Variants in TRPM3 observed in about 807,000 individuals in gnomAD.
TRPM3 encodes the protein transient receptor potential cation channel subfamily M member 3.
Under a neutral mutation model 181.2 loss-of-function variants are expected in TRPM3, and 77 were observed. That is an observed-to-expected ratio of 0.42 (90% confidence interval 0.35 to 0.51). The LOEUF (loss-of-function observed/expected upper bound fraction) is 0.51. Among genes scored for constraint, TRPM3 ranks in the 20% least tolerant of loss-of-function variants. The probability of loss-of-function intolerance (pLI) is 0.01; values close to 1 mark genes in which losing one functional copy is unlikely to be tolerated. For missense variants in TRPM3, 1,759 were observed against 2,196.7 expected, an observed-to-expected ratio of 0.80 and a Z score of 3.98; for synonymous variants, 745 against 796.4, an observed-to-expected ratio of 0.94 and a Z score of 1.09.
intron 22 of TRPM3, among the ~76,000 whole-genome samples, chr9:70,566,953 C>G (rs915915749): frequency 5.3e-5 from 8 of 152,146 alleles, no homozygotes; most frequent in Non-Finnish European, 1.0e-4. Context: ...CAAAACCAAC[C>G]TTTATAGGTA....
At chr9:70,973,809 C>T (rs1426669610) in intron 1 of TRPM3, among the ~76,000 whole-genome samples, 1 of 152,092 alleles carries the variant, frequency 6.6e-6, no homozygotes, top group Admixed American at 6.5e-5. Flanking sequence ...AAAGATTATA[C>T]AAAATACATT....
rs970043760 is a variant in TRPM3 at position 70,824,315 on chromosome 9, T to C, written c.973+3532A>G. On this transcript the variant is annotated intron_variant, in intron 6 of 25. Coordinates refer to ENST00000677713, the MANE Select transcript of TRPM3 (RefSeq NM_001366145.2). ...GGCATAGTGTTTCATTTTCAGGAAA[T>C]TGAATTACACATTTGTAAATTAGAT... 9 of 152,124 alleles carry C rather than the reference T, an allele frequency of 5.9e-5. No homozygotes were observed. In the South Asian group the frequency reaches 8.3e-4, roughly 14 times the overall value. 9.4% of individuals were successfully genotyped at this position (152,124 alleles called of 1,614,324 possible).
At chr9:71,000,126 A>G (rs1161410614) in intron 1 of TRPM3, among the ~76,000 whole-genome samples, 2 of 152,190 alleles carry the variant, frequency 1.3e-5, no homozygotes, top group African/African-American at 4.8e-5. Flanking sequence ...ACAAACAGGA[A>G]GCGATCTTTC....
At chr9:70,596,587 C>T (rs2059065154) in intron 21 of TRPM3, among the ~76,000 whole-genome samples, 1 of 151,898 alleles carries the variant, frequency 6.6e-6, no homozygotes. Flanking sequence ...AAAAATTAGC[C>T]TGGCGTGGTG....
At chr9:71,133,976 TGTG>T (rs2074554121) in intron 1 of TRPM3, among the ~76,000 whole-genome samples, 5 of 2,194 alleles carry the variant, frequency 2.3e-3, no homozygotes, top group East Asian at 0.011. Flanking sequence ...TGTGTGTTTG[TGTG>T]TGTGTGTGTG....
At chr9:70,980,946 T>C (rs2097357707) in intron 1 of TRPM3, among the ~76,000 whole-genome samples, 1 of 152,342 alleles carries the variant, frequency 6.6e-6, no homozygotes, top group East Asian at 1.9e-4. Flanking sequence ...ATTTAAGGAA[T>C]TGAAAGCAAT....
chr9:71,106,171 A>C (rs779546548), intron 1 of TRPM3, among the ~76,000 whole-genome samples: 1 of 152,200 alleles, frequency 6.6e-6, no homozygotes, highest in Non-Finnish European at 1.5e-5. Flanking sequence ...GTATTTATTC[A>C]GGACACATCT....
intron 1 of TRPM3, among the ~76,000 whole-genome samples, chr9:71,080,877 T>C (rs1438522966): frequency 6.6e-6 from 1 of 152,220 alleles, no homozygotes; most frequent in Non-Finnish European, 1.5e-5. Flanking sequence ...AGGTCTTGTG[T>C]GTACACAGTA....
chr9:70,794,088 G>C (rs1588445281), intron 6 of TRPM3, among the ~76,000 whole-genome samples: 1 of 152,026 alleles, frequency 6.6e-6, no homozygotes, highest in South Asian at 2.1e-4. Context: ...ATTTGGGATA[G>C]CAGATTTTTT....
At chr9:70,852,463 A>T (rs2095267210) in intron 3 of TRPM3, among the ~76,000 whole-genome samples, 1 of 151,978 alleles carries the variant, frequency 6.6e-6, no homozygotes, top group Admixed American at 6.6e-5. Context: ...CTTTTCCTTT[A>T]CCTATGACCA....
At chr9:70,841,795 G>T (rs2094685634) in intron 5 of TRPM3, among the ~76,000 whole-genome samples, 1 of 150,780 alleles carries the variant, frequency 6.6e-6, no homozygotes. Context: ...AACATGGATG[G>T]AACTGGAGGC....
intron 1 of TRPM3, among the ~76,000 whole-genome samples, chr9:71,442,228 C>T (rs1028219218): frequency 6.6e-6 from 1 of 152,212 alleles, no homozygotes; most frequent in Non-Finnish European, 1.5e-5. Context: ...TTGGTACCTG[C>T]TGATAAGGGT....
intron 10 of TRPM3, 24 bp from the exon 11 acceptor site, chr9:70,639,218 G>A (rs1206094213): frequency 6.2e-7 from 1 of 1,612,616 alleles, no homozygotes; most frequent in East Asian, 2.2e-5. Context: ...CACTGAGTTA[G>A]TCTGCCCCAG....
chr9:70,828,893 T>C (rs57391768), intron 5 of TRPM3, among the ~76,000 whole-genome samples: 8,938 of 152,154 alleles, frequency 0.059, 430 homozygotes, highest in East Asian at 0.12. Context: ...TCAGAATTCA[T>C]ACCCAGGACT....
intron 1 of TRPM3, among the ~76,000 whole-genome samples, chr9:70,899,149 A>G (rs2096343702): frequency 6.6e-6 from 1 of 152,206 alleles, no homozygotes; most frequent in Non-Finnish European, 1.5e-5. Context: ...TGGAAAACCA[A>G]TAGGGTAAAC....
At chr9:71,443,849 T>A (rs181832358) in intron 1 of TRPM3, among the ~76,000 whole-genome samples, 1 of 152,260 alleles carries the variant, frequency 6.6e-6, no homozygotes, top group Non-Finnish European at 1.5e-5. Context: ...AAATATCTTC[T>A]ATTAATTATG....
At chr9:70,846,847 AC>A (rs1375911403) in intron 3 of TRPM3, among the ~76,000 whole-genome samples, 1 of 152,214 alleles carries the variant, frequency 6.6e-6, no homozygotes, top group Non-Finnish European at 1.5e-5. Context: ...TGCAAGCATG[AC>A]TTTTCCCAGA....
intron 12 of TRPM3, among the ~76,000 whole-genome samples, chr9:70,631,074 C>T (rs879162124): frequency 3.9e-5 from 6 of 152,076 alleles, no homozygotes; most frequent in African/African-American, 1.4e-4. Context: ...AAAATGATTG[C>T]GGTTGTCAGG....
intron 1 of TRPM3, among the ~76,000 whole-genome samples, chr9:71,199,259 G>T (rs1161059830): frequency 1.3e-5 from 2 of 151,798 alleles, no homozygotes; most frequent in African/African-American, 4.8e-5. Flanking sequence ...TTGATGTGCT[G>T]CTGGATTCAG....
Sources: gnomAD v4.1 joint callset for allele counts (sites outside exome capture counted in the v4.1 genomes callset) on GRCh38, gnomAD v4.1.1 for gene constraint, MANE v1.5 for transcripts, NCBI Gene and HGNC (gene_info 2026-07-23, HGNC 2026-07-21) for gene names.